TAF3: variants seen among roughly 807,000 people sequenced by gnomAD.
TAF3 encodes transcription initiation factor TFIID subunit 3.
A neutral mutation model predicts 80.6 loss-of-function variants in TAF3; 7 were observed. That is an observed-to-expected ratio of 0.09 (90% confidence interval 0.05 to 0.16). TAF3 has a LOEUF of 0.16. TAF3 is among the 10% of genes least tolerant of loss of function. The pLI is 1.00. For missense variants in TAF3, 921 were observed against 1,140.2 expected (o/e 0.81, Z 2.77); for synonymous variants, 444 against 446.1 (o/e 1.00, Z 0.06).
chr10:7,864,600 A>G (rs1180783315), intron 2 of TAF3, among the ~76,000 whole-genome samples: 1 of 146,270 alleles, frequency 6.8e-6, no homozygotes, highest in Non-Finnish European at 1.5e-5. Context: ...TCGTGTTTTC[A>G]TTTTTCTTGG....
chr10:8,001,369 T>C (rs1442908184), intron 4 of TAF3, among the ~76,000 whole-genome samples: 2 of 152,206 alleles, frequency 1.3e-5, no homozygotes, highest in African/African-American at 4.8e-5. Flanking sequence ...ATGGAACATT[T>C]TTTTCTTGTC....
intron 2 of TAF3, among the ~76,000 whole-genome samples, chr10:7,846,626 A>C (rs1836975498): frequency 6.9e-6 from 1 of 145,542 alleles, no homozygotes; most frequent in Non-Finnish European, 1.5e-5. Flanking sequence ...AAAAAAGGAG[A>C]AAAATGATCA....
At chr10:7,885,222 T>C (rs1837398088) in intron 2 of TAF3, among the ~76,000 whole-genome samples, 1 of 149,450 alleles carries the variant, frequency 6.7e-6, no homozygotes, top group East Asian at 2.0e-4. Flanking sequence ...ATATTTTAAA[T>C]AGCAAATTTT....
At chr10:7,970,746 TC>T (rs1831614169) in intron 3 of TAF3, among the ~76,000 whole-genome samples, 1 of 152,250 alleles carries the variant, frequency 6.6e-6, no homozygotes, top group Admixed American at 6.5e-5. Flanking sequence ...TGTTTCTTTA[TC>T]CCCAAGTCCT....
intron 4 of TAF3, among the ~76,000 whole-genome samples, chr10:7,990,836 A>T (rs1214627332): frequency 6.6e-6 from 1 of 151,850 alleles, no homozygotes; most frequent in Non-Finnish European, 1.5e-5. Context: ...TATCCCATAG[A>T]CCTCCTCACA....
intron 2 of TAF3, among the ~76,000 whole-genome samples, chr10:7,959,601 A>T (rs1365411752): frequency 2.0e-5 from 3 of 152,200 alleles, no homozygotes; most frequent in African/African-American, 7.2e-5. Context: ...TTACTGAAAC[A>T]CAAACAACCA....
At chr10:7,968,839 T>C (rs1424672259) in intron 3 of TAF3, among the ~76,000 whole-genome samples, 2 of 152,202 alleles carry the variant, frequency 1.3e-5, no homozygotes, top group Admixed American at 1.3e-4. Context: ...TGAAATCACT[T>C]GGTTGGTAAC....
rs1554778360 is a variant in TAF3 at position 7,863,626 on chromosome 10, AAT to A, written c.409+39086_409+39087del. ...CTCTGTCTAAAAAAAAAAAAAAAAA[AAT>A]ATATATATATATATATATACACACA... is the stretch of plus-strand genomic sequence containing the variant. On this transcript the variant is annotated intron_variant, in intron 2 of 6. Coordinates refer to ENST00000344293, the MANE Select transcript of TAF3 (RefSeq NM_031923.4). Among the ~76,000 whole-genome samples, 48 of 48,098 alleles carry A rather than the reference AAT, an allele frequency of 1.0e-3. 5 individuals carry two copies. The highest frequency in any genetic ancestry group is 2.2e-3 in the African/African-American group (28 of 12,912). 31.6% of individuals were successfully genotyped at this position (48,098 alleles called of 152,430 possible). A position where few individuals can be genotyped will look rare whatever the true frequency, so the allele number is the denominator to read the frequency against.
At chr10:7,928,072 AAAAC>A (rs1837832375) in intron 2 of TAF3, among the ~76,000 whole-genome samples, 1 of 152,216 alleles carries the variant, frequency 6.6e-6, no homozygotes, top group Non-Finnish European at 1.5e-5. Flanking sequence ...ACTTGGCTGT[AAAAC>A]AAAGGATTAA....
chr10:7,986,074 A>G (rs1431434226), intron 4 of TAF3, among the ~76,000 whole-genome samples: 1 of 151,582 alleles, frequency 6.6e-6, no homozygotes, highest in Admixed American at 6.6e-5. Flanking sequence ...ATGAGCCCCC[A>G]TGCCCAGCCT....
At chr10:7,896,826 CT>C (rs377091557) in intron 2 of TAF3, among the ~76,000 whole-genome samples, 182 of 152,316 alleles carry the variant, frequency 1.2e-3, no homozygotes, top group African/African-American at 4.2e-3. Flanking sequence ...TAGATTCTCT[CT>C]TTAAGGTCTA....
intron 2 of TAF3, among the ~76,000 whole-genome samples, chr10:7,826,295 T>A (rs1214187312): frequency 6.6e-6 from 1 of 152,234 alleles, no homozygotes; most frequent in East Asian, 1.9e-4. Context: ...TTGGTCCTTC[T>A]TGTCTTATTT....
At chr10:7,918,939 A>G (rs995594154) in intron 2 of TAF3, among the ~76,000 whole-genome samples, 4 of 152,186 alleles carry the variant, frequency 2.6e-5, no homozygotes, top group Admixed American at 2.6e-4. Context: ...ACCTCCGGAC[A>G]GCTTGCTGCG....
At chr10:7,835,315 C>T (rs925990802) in intron 2 of TAF3, among the ~76,000 whole-genome samples, 3 of 129,918 alleles carry the variant, frequency 2.3e-5, no homozygotes, top group Non-Finnish European at 5.2e-5. Context: ...GCATATGGCC[C>T]ATGGGCTGTG....
chr10:7,873,618 C>T (rs1228648773), intron 2 of TAF3, among the ~76,000 whole-genome samples: 1 of 28,420 alleles, frequency 3.5e-5, no homozygotes, highest in South Asian at 9.2e-4. Flanking sequence ...TCCGAGTTCT[C>T]CCCCCCCCCC....
At chr10:8,013,859 C>T (rs781043923) in intron 6 of TAF3, 22 bp downstream of exon 6, 50 of 1,595,140 alleles carry the variant, frequency 3.1e-5, no homozygotes, top group Non-Finnish European at 4.3e-5. Context: ...GGGCGCCCTG[C>T]CGGCCACACT....
chr10:7,906,396 T>G (rs1258944125), intron 2 of TAF3, among the ~76,000 whole-genome samples: 1 of 152,202 alleles, frequency 6.6e-6, no homozygotes, highest in East Asian at 1.9e-4. Context: ...TAACTACAGC[T>G]ACATGATTCT....
chr10:7,998,098 G>C (rs1020583640), intron 4 of TAF3, among the ~76,000 whole-genome samples: 1 of 151,652 alleles, frequency 6.6e-6, no homozygotes, highest in Admixed American at 6.6e-5. Flanking sequence ...TTTCAAAAGA[G>C]TTGGGAAAAA....
At position 7,855,662 on chromosome 10, in the gene TAF3, G is replaced by C. The variant is rs66755455; in HGVS notation, c.409+31102G>C. Among the ~76,000 whole-genome samples the C allele has an allele frequency of 5.5e-3, 842 of 152,250 alleles. 8 individuals are homozygous for C. Among genetic ancestry groups the C allele is most frequent in the South Asian group, 0.024 (114 of 4,826 alleles). On this transcript the variant is annotated intron_variant, in intron 2 of 6. Transcript: ENST00000344293. ...CCCACTGACATACTCAAAGCTCCCA[G>C]ACAGCTTTTTTAGTTCCATTCTAAA...
Sources: gnomAD v4.1 joint callset for allele counts (sites outside exome capture counted in the v4.1 genomes callset) on GRCh38, gnomAD v4.1.1 for gene constraint, MANE v1.5 for transcripts, NCBI Gene and HGNC (gene_info 2026-07-23, HGNC 2026-07-21) for gene names.